COMMD3: variants seen among roughly 807,000 people sequenced by gnomAD.
COMMD3 encodes COMM domain containing 3, also known as COMM domain-containing protein 3.
Under a neutral mutation model 31.2 loss-of-function variants are expected in COMMD3, and 31 were observed. The observed-to-expected ratio is 0.99, with a 90% CI of 0.75 to 1.34. COMMD3 has a LOEUF of 1.34. Among genes scored for constraint, COMMD3 ranks in the 40% most tolerant of loss-of-function variants. COMMD3 has a pLI of 0.00. For synonymous variants in COMMD3, 108 were observed against 87.3 expected (o/e 1.24, Z -1.32); for missense variants, 274 against 236.9 (o/e 1.16, Z -1.03).
At position 22,319,943 on chromosome 10, in the gene COMMD3, T is replaced by TG. The variant is rs776283767; in HGVS notation, c.535dup (p.Val179GlyfsTer5). 3.7e-6 allele frequency: 6 copies of TG among 1,614,104 alleles called. No individual in the cohort carries two copies. In the Admixed American group the frequency reaches 5.0e-5, roughly 13 times the overall value. On this transcript the variant is annotated frameshift_variant, in exon 8 of 8. Transcript: ENST00000376836. LOFTEE classifies it high-confidence loss of function. ...TATTGTATACACGTCTTTTAGGACT[T>TG]GGTGGGGAAACTTAAAGATGCTTCG...
At chr10:22,318,214 A>G in intron 3 of COMMD3, 46 bp downstream of exon 3, 4 of 1,591,798 alleles carry the variant, frequency 2.5e-6, no homozygotes, top group Non-Finnish European at 3.4e-6. Context: ...TTTTTCTTTT[A>G]CTTTGTTTGT....
Position 22,318,313 on chromosome 10 carries a change from A to G in COMMD3, c.350+7A>G. On this transcript the variant is annotated splice_region_variant and intron_variant, in intron 4 of 7. Coordinates refer to ENST00000376836, the MANE Select transcript of COMMD3 (RefSeq NM_012071.4). ...TAGAAATCCTACTGGGAAGGTAGGT[A>G]CTGTATAAGGTGTCAAGCTGAGGCA... 6.2e-7 allele frequency: 1 copy of G among 1,601,672 alleles called. No homozygotes were observed. The highest frequency in any genetic ancestry group is 8.5e-7 in the Non-Finnish European group (1 of 1,176,894).
chr10:22,320,194 T>C lies in COMMD3; in HGVS notation c.*196T>C. The C allele has an allele frequency of 7.0e-7, 1 of 1,422,720 alleles. No individual in the cohort carries two copies. 88.1% of individuals were successfully genotyped at this position (1,422,720 alleles called of 1,614,324 possible). On this transcript the variant is annotated 3_prime_UTR_variant, in exon 8 of 8. Transcript: ENST00000376836. ...AGAGGGAAAGATACTGCCCAAGTATTTGAATCGTTTAGTAGTAACTGTCCA... is the reference window on the plus strand; with the variant it reads ...AGAGGGAAAGATACTGCCCAAGTATCTGAATCGTTTAGTAGTAACTGTCCA...
chr10:22,318,882 A>C lies in COMMD3; in HGVS notation c.468+20A>C, dbSNP rs369223288. The C allele has an allele frequency of 1.9e-5, 30 of 1,612,670 alleles. 3 individuals are homozygous for C. The African/African-American group carries it at 3.5e-4, about 19-fold the overall frequency. On this transcript the variant is annotated intron_variant, in intron 6 of 7. Coordinates refer to ENST00000376836, the MANE Select transcript of COMMD3 (RefSeq NM_012071.4). ...GTACAGGTATTTATAGATAAGTCTT[A>C]TCCAATAATGAAATTTATAATTTCA... is the stretch of plus-strand genomic sequence containing the variant.
chr10:22,316,787 G>T, intron 1 of COMMD3: 1 of 536,434 alleles, frequency 1.9e-6, no homozygotes. Context: ...CACGTTCCTG[G>T]CCCGGTTTCC....
rs914765255 is a variant in COMMD3, at chr10:22,316,695, T to C, written c.139+139T>C. ...TTTGCCCTTCGCTCCGGACGGAGTG[T>C]TGGGGACGTGGCTCTGCCAGGACTC... On this transcript the variant is annotated intron_variant, in intron 1 of 7. Transcript: ENST00000376836. 32 of 1,334,732 alleles carry C rather than the reference T, an allele frequency of 2.4e-5. No homozygotes were observed. The African/African-American group carries it at 3.3e-4, about 14-fold the overall frequency. The allele number at this position is 1,334,732 out of a possible 1,614,324, so 82.7% of individuals were successfully genotyped here.
intron 4 of COMMD3, 62 bp downstream of exon 4, chr10:22,318,368 G>A (rs772998743): frequency 6.4e-7 from 1 of 1,560,788 alleles, no homozygotes; most frequent in Non-Finnish European, 8.6e-7. Flanking sequence ...AATGGAGAGT[G>A]TTGGTGTGAA....
At chr10:22,319,802 CAA>C (rs1226356867) in intron 7 of COMMD3, 135 bp from the exon 8 acceptor site, 3 of 1,118,732 alleles carry the variant, frequency 2.7e-6, no homozygotes, top group South Asian at 3.3e-5. Context: ...AGTAGTTTGT[CAA>C]AAGTTAAAAT....
At chr10:22,319,788 C>T (rs896231889) in intron 7 of COMMD3, 151 bp from the exon 8 acceptor site, 2 of 908,170 alleles carry the variant, frequency 2.2e-6, no homozygotes, top group Non-Finnish European at 3.2e-6. Flanking sequence ...TTTTTTTGCC[C>T]GATAGTAGTT....
chr10:22,319,870 T>C (rs546839916), intron 7 of COMMD3, 69 bp from the exon 8 acceptor site: 4 of 1,579,986 alleles, frequency 2.5e-6, no homozygotes, highest in South Asian at 2.3e-5. Context: ...TTCTTGCATC[T>C]TTCTTGAGCT....
Position 22,320,190 on chromosome 10 carries a change from G to C in COMMD3, c.*192G>C. ...GTTAAGAGGGAAAGATACTGCCCAAGTATTTGAATCGTTTAGTAGTAACTG... is the reference window on the plus strand; with the variant it reads ...GTTAAGAGGGAAAGATACTGCCCAACTATTTGAATCGTTTAGTAGTAACTG... On this transcript the variant is annotated 3_prime_UTR_variant, in exon 8 of 8. Coordinates refer to ENST00000376836, the MANE Select transcript of COMMD3 (RefSeq NM_012071.4). 1.4e-6 allele frequency: 2 copies of C among 1,439,916 alleles called. No homozygotes were observed. The highest frequency in any genetic ancestry group is 1.8e-6 in the Non-Finnish European group (2 of 1,082,704). 89.2% of individuals were successfully genotyped at this position (1,439,916 alleles called of 1,614,324 possible).
At position 22,316,468 on chromosome 10, in the gene COMMD3, C is replaced by T. The variant is rs746195912; in HGVS notation, c.51C>T (p.Pro17=). The T allele has an allele frequency of 1.9e-5, 30 of 1,550,742 alleles. No homozygotes were observed. The highest frequency in any genetic ancestry group is 7.8e-5 in the Admixed American group (4 of 51,036). ...AAGGCTTCCAGATGCTGGCGGATCCCCGCTCCTTCGACTCCAACGCCTTCA... is the reference window on the plus strand; with the variant it reads ...AAGGCTTCCAGATGCTGGCGGATCCTCGCTCCTTCGACTCCAACGCCTTCA... ...VQKGFQMLAD[P]RSFDSNAFTL... The change falls in exon 1 of 8, where the codon CCC becomes CCT. Residue 17 remains proline (P), a synonymous_variant. Transcript: ENST00000376836.
chr10:22,317,014 C>T (rs1194270997), intron 1 of COMMD3: 1 of 152,934 alleles, frequency 6.5e-6, no homozygotes, highest in Non-Finnish European at 1.5e-5. Flanking sequence ...TGACATTTGC[C>T]AACTTAGAGC....
chr10:22,316,470 G>C lies in COMMD3; in HGVS notation c.53G>C (p.Arg18Pro). 1 of 1,550,448 alleles carries C rather than the reference G, an allele frequency of 6.4e-7. No individual in the cohort carries two copies. Among genetic ancestry groups the C allele is most frequent in the Non-Finnish European group, 8.7e-7 (1 of 1,146,620 alleles). ...QKGFQMLADPRSFDSNAFTLL... is the reference protein window; with the variant it reads ...QKGFQMLADPPSFDSNAFTLL... ...GGCTTCCAGATGCTGGCGGATCCCC[G>C]CTCCTTCGACTCCAACGCCTTCACG... The change falls in exon 1 of 8, where the codon CGC (arginine) becomes CCC (proline). Residue 18 changes from arginine to proline, a missense_variant. Coordinates refer to ENST00000376836, the MANE Select transcript of COMMD3 (RefSeq NM_012071.4).
At position 22,316,422 on chromosome 10, in the gene COMMD3, A is replaced by T; in HGVS notation, c.5A>T (p.Glu2Val). 1 of 1,531,628 alleles carries T rather than the reference A, an allele frequency of 6.5e-7. No individual in the cohort carries two copies. The highest frequency in any genetic ancestry group is 2.0e-5 in the Admixed American group (1 of 49,838). 94.9% of individuals were successfully genotyped at this position (1,531,628 alleles called of 1,614,324 possible). The change falls in exon 1 of 8, where the codon GAG becomes GTG. Residue 2 changes from glutamate (E) to valine (V), a missense_variant. Coordinates refer to ENST00000376836, the MANE Select transcript of COMMD3 (RefSeq NM_012071.4). ...GAAGGTCACGGCGCGCTCACAATGG[A>T]GCTCTCGGAGTCTGTGCAGAAAGGC... M[E>V]LSESVQKGFQ...
chr10:22,318,740 G>A, intron 5 of COMMD3, 27 bp downstream of exon 5: 1 of 1,612,630 alleles, frequency 6.2e-7, no homozygotes, highest in Non-Finnish European at 8.5e-7. Context: ...TTCTCTAGCG[G>A]GGGATTTAGG....
In COMMD3 at chr10:22,319,945, G is replaced by T; in HGVS notation, c.535G>T (p.Val179Leu). The change falls in exon 8 of 8, where the codon GTG becomes TTG. Residue 179 changes from valine to leucine, a missense_variant. Coordinates refer to ENST00000376836, the MANE Select transcript of COMMD3 (RefSeq NM_012071.4). Reference sequence around the variant, plus strand: ...TTGTATACACGTCTTTTAGGACTTGGTGGGGAAACTTAAAGATGCTTCGAA... The same window carrying T: ...TTGTATACACGTCTTTTAGGACTTGTTGGGGAAACTTAAAGATGCTTCGAA... ...SCSMEQLQDL[V>L]GKLKDASKSL... is the part of the protein sequence containing the mutation. The T allele has an allele frequency of 2.5e-6, 4 of 1,614,072 alleles. No individual in the cohort carries two copies. The highest frequency in any genetic ancestry group is 3.4e-6 in the Non-Finnish European group (4 of 1,179,984).
intron 1 of COMMD3, 163 bp downstream of exon 1, chr10:22,316,719 T>C: frequency 7.9e-7 from 1 of 1,265,768 alleles, no homozygotes; most frequent in Non-Finnish European, 1.0e-6. Flanking sequence ...CTGCCAGGAC[T>C]CGGAGCAGAC....
intron 1 of COMMD3, chr10:22,316,837 G>T: frequency 6.7e-6 from 2 of 298,574 alleles, no homozygotes; most frequent in Non-Finnish European, 6.0e-6. Flanking sequence ...CGGTGTTCAA[G>T]TCTTGTTTGT....
Sources: allele counts gnomAD v4.1 joint callset, GRCh38; gene constraint gnomAD v4.1.1; transcripts MANE v1.5; gene names NCBI Gene and HGNC (gene_info 2026-07-23, HGNC 2026-07-21).